Variants in MACROD2 observed in about 807,000 individuals in gnomAD.
MACROD2 encodes mono-ADP ribosylhydrolase 2, also known as ADP-ribose glycohydrolase MACROD2.
In MACROD2, 36 loss-of-function variants were observed where a neutral mutation model predicts 70.4. That is an observed-to-expected ratio of 0.51 (90% CI 0.39 to 0.68). The LOEUF (loss-of-function observed/expected upper bound fraction) is 0.68. Among genes scored for constraint, MACROD2 ranks in the 30% least tolerant of loss-of-function variants. MACROD2 has a pLI of 0.00. For missense variants in MACROD2, 496 were observed against 538.4 expected (o/e 0.92, Z 0.78); for synonymous variants, 172 against 178.8 (o/e 0.96, Z 0.30).
chr20:14,586,831 C>T (rs902593680), intron 4 of MACROD2, among the ~76,000 whole-genome samples: 2 of 151,972 alleles, frequency 1.3e-5, no homozygotes, highest in Admixed American at 1.3e-4. Flanking sequence ...GTCCATATAT[C>T]AACTCTGGAT....
chr20:14,117,533 AG>A (rs1405624833), intron 3 of MACROD2, among the ~76,000 whole-genome samples: 1 of 152,168 alleles, frequency 6.6e-6, no homozygotes, highest in Non-Finnish European at 1.5e-5. Flanking sequence ...CTGACCTTCT[AG>A]AGTTGTTTAT....
At chr20:15,045,228 C>A (rs1039863277) in intron 5 of MACROD2, among the ~76,000 whole-genome samples, 1 of 152,184 alleles carries the variant, frequency 6.6e-6, no homozygotes, top group African/African-American at 2.4e-5. Flanking sequence ...AGACCCTAAT[C>A]AGAAAACACA....
At chr20:14,965,415 G>A (rs1034625671) in intron 5 of MACROD2, among the ~76,000 whole-genome samples, 4 of 121,156 alleles carry the variant, frequency 3.3e-5, no homozygotes, top group African/African-American at 1.2e-4. Context: ...TATTCTAATT[G>A]TTTCCAACCT....
chr20:15,203,198 A>T (rs998084987), intron 5 of MACROD2, among the ~76,000 whole-genome samples: 11 of 152,178 alleles, frequency 7.2e-5, no homozygotes, highest in Admixed American at 5.9e-4. Flanking sequence ...AGACATTCAA[A>T]TCTTACATCG....
intron 15 of MACROD2, among the ~76,000 whole-genome samples, chr20:16,007,988 T>A (rs1294805611): frequency 2.0e-5 from 3 of 152,236 alleles, no homozygotes; most frequent in African/African-American, 4.8e-5. Context: ...GATGATTTCC[T>A]TCCCAGCTGA....
At chr20:14,288,607 A>G (rs952483051) in intron 3 of MACROD2, among the ~76,000 whole-genome samples, 6 of 152,192 alleles carry the variant, frequency 3.9e-5, no homozygotes, top group Non-Finnish European at 7.4e-5. Context: ...TCACTTCTTA[A>G]CACCATGGGA....
rs183712637 is a variant in MACROD2, at chr20:15,163,857, A to G, written c.419-66083A>G. ...TAGAGAAAAGTCCAATGTATTTCAT[A>G]TGTCATCATTCAATAAATATTTATC... On this transcript the variant is annotated intron_variant, in intron 5 of 17. Transcript: ENST00000684519. 2.2e-3 allele frequency among the ~76,000 whole-genome samples: 336 copies of G among 152,270 alleles called. 2 individuals carry two copies. The highest frequency in any genetic ancestry group is 9.0e-3 in the Admixed American group (137 of 15,280).
At chr20:15,053,693 G>T (rs6074831) in intron 5 of MACROD2, among the ~76,000 whole-genome samples, 25,789 of 152,168 alleles carry the variant, frequency 0.17, 2,807 homozygotes, top group East Asian at 0.33. Flanking sequence ...CATTCCTTCT[G>T]CAGCCTATGG....
At chr20:15,368,368 G>GA (rs375458253) in intron 6 of MACROD2, among the ~76,000 whole-genome samples, 1 of 151,204 alleles carries the variant, frequency 6.6e-6, no homozygotes, top group African/African-American at 2.4e-5. Flanking sequence ...TTAGGGGAGA[G>GA]AAAAAACACT....
intron 3 of MACROD2, among the ~76,000 whole-genome samples, chr20:14,439,561 T>G (rs1460389010): frequency 1.3e-5 from 2 of 152,200 alleles, no homozygotes; most frequent in South Asian, 2.1e-4. Context: ...AGTTGGGGTA[T>G]GGATCATAGG....
At chr20:14,340,414 C>T (rs1019021892) in intron 3 of MACROD2, among the ~76,000 whole-genome samples, 22 of 152,102 alleles carry the variant, frequency 1.4e-4, no homozygotes, top group Non-Finnish European at 2.9e-4. Context: ...AGATGGGGGA[C>T]ATCCAAGCAC....
chr20:14,044,599 C>A (rs2053442080), intron 2 of MACROD2, among the ~76,000 whole-genome samples: 1 of 152,068 alleles, frequency 6.6e-6, no homozygotes, highest in Admixed American at 6.6e-5. Context: ...GAGCTAGACC[C>A]AAAAGTTCTC....
chr20:14,489,877 A>T lies in MACROD2; in HGVS notation c.272-3602A>T, dbSNP rs1297089608. ...AAATACTTCTTTTTTTTTTTTTTTT[A>T]AAAGACAGAGTCTTGCTCTGTTGTC... On this transcript the variant is annotated intron_variant, in intron 3 of 17. Coordinates refer to ENST00000684519, the MANE Select transcript of MACROD2 (RefSeq NM_001351661.2). Among the ~76,000 whole-genome samples the T allele has an allele frequency of 2.9e-4, 43 of 148,410 alleles. No homozygotes were observed. The South Asian group carries it at 3.0e-3, about 10-fold the overall frequency.
At chr20:14,969,161 T>TTATATATATATATATA (rs150798380) in intron 5 of MACROD2, among the ~76,000 whole-genome samples, 36 of 147,742 alleles carry the variant, frequency 2.4e-4, no homozygotes, top group African/African-American at 8.5e-4. Context: ...TATCTCCAGT[T>TTATATATATATATATA]TATATATATA....
chr20:14,009,343 C>G (rs549742984), intron 2 of MACROD2, among the ~76,000 whole-genome samples: 1 of 152,164 alleles, frequency 6.6e-6, no homozygotes, highest in Non-Finnish European at 1.5e-5. Context: ...ATGTGGCCAA[C>G]AAACATATGA....
intron 8 of MACROD2, among the ~76,000 whole-genome samples, chr20:15,656,688 G>A (rs1381209980): frequency 2.0e-5 from 3 of 152,122 alleles, no homozygotes; most frequent in Non-Finnish European, 4.4e-5. Context: ...AAACAGAGCC[G>A]GAGGGAGTTT....
At chr20:15,464,310 C>G (rs1819843474) in intron 7 of MACROD2, among the ~76,000 whole-genome samples, 1 of 152,168 alleles carries the variant, frequency 6.6e-6, no homozygotes, top group Non-Finnish European at 1.5e-5. Flanking sequence ...GCCACCATGC[C>G]TGACCCATCT....
At chr20:15,115,572 A>G (rs2075986005) in intron 5 of MACROD2, among the ~76,000 whole-genome samples, 1 of 152,078 alleles carries the variant, frequency 6.6e-6, no homozygotes, top group African/African-American at 2.4e-5. Flanking sequence ...TGTTACCCAA[A>G]CATGCAGGGT....
intron 10 of MACROD2, among the ~76,000 whole-genome samples, chr20:15,916,799 G>A (rs2065323356): frequency 6.6e-6 from 1 of 152,236 alleles, no homozygotes; most frequent in Non-Finnish European, 1.5e-5. Flanking sequence ...AGAGGATCAA[G>A]CCAATTCCTA....
Sources: allele counts gnomAD v4.1 joint callset (sites outside exome capture counted in the v4.1 genomes callset), GRCh38; gene constraint gnomAD v4.1.1; transcripts MANE v1.5; gene names NCBI Gene and HGNC (gene_info 2026-07-23, HGNC 2026-07-21).